CDK5R2: variants seen among roughly 807,000 people sequenced by gnomAD.
CDK5R2 encodes cyclin-dependent kinase 5 activator 2.
In CDK5R2, 7 loss-of-function variants were observed where a neutral mutation model predicts 23.1. The ratio of observed to expected loss-of-function variants is 0.30; its 90% CI spans 0.17 to 0.57. The LOEUF (loss-of-function observed/expected upper bound fraction) is 0.57. Among genes scored for constraint, CDK5R2 ranks in the 20% least tolerant of loss-of-function variants. The probability of loss-of-function intolerance (pLI) is 0.91; values close to 1 mark genes in which losing one functional copy is unlikely to be tolerated. For missense variants in CDK5R2, 380 were observed against 537.6 expected, an observed-to-expected ratio of 0.71 and a Z score of 2.90; for synonymous variants, 242 against 264.9, an observed-to-expected ratio of 0.91 and a Z score of 0.84.
In CDK5R2 at chr2:218,959,751, C is replaced by T. The variant is rs1322090416; in HGVS notation, c.-70C>T. The T allele has an allele frequency of 6.5e-6, 8 of 1,227,314 alleles. No individual in the cohort carries two copies. Among genetic ancestry groups the T allele is most frequent in the Non-Finnish European group, 8.1e-6 (8 of 985,874 alleles). 76.0% of individuals were successfully genotyped at this position (1,227,314 alleles called of 1,614,324 possible). A position where few individuals can be genotyped will look rare whatever the true frequency, so the allele number is the denominator to read the frequency against. ...CTAGGCCCCCCACCGCCGGGTCCCCCGGGGCTGCAGTAGCAGCGGCGCCGC... is the reference window on the plus strand; with the variant it reads ...CTAGGCCCCCCACCGCCGGGTCCCCTGGGGCTGCAGTAGCAGCGGCGCCGC... On this transcript the variant is annotated 5_prime_UTR_variant, in exon 1 of 1. Coordinates refer to ENST00000302625, the MANE Select transcript of CDK5R2 (RefSeq NM_003936.5). The surrounding 1 kb of genome is among the most constrained non-coding windows in gnomAD (Gnocchi z 4.0).
At position 218,960,318 on chromosome 2, in the gene CDK5R2, G is replaced by T. The variant is rs1205332739; in HGVS notation, c.498G>T (p.Ala166=). ...PPPPPPAPQV[A]PPVPGGSPRR... ...CGCCTCCCCCAGCCCCGCAGGTGGCGCCGCCGGTGCCTGGCGGCTCGCCGC... is the reference window on the plus strand; with the variant it reads ...CGCCTCCCCCAGCCCCGCAGGTGGCTCCGCCGGTGCCTGGCGGCTCGCCGC... Residue 166 remains alanine (A), a synonymous_variant, in exon 1 of 1, where the codon GCG becomes GCT. Transcript: ENST00000302625. The T allele has an allele frequency of 6.8e-7, 1 of 1,473,844 alleles. No homozygotes were observed. The highest frequency in any genetic ancestry group is 1.3e-5 in the South Asian group (1 of 77,034). 91.3% of individuals were successfully genotyped at this position (1,473,844 alleles called of 1,614,324 possible).
rs1330680058 is a variant in CDK5R2 at position 218,960,099 on chromosome 2, C to T, written c.279C>T (p.Asp93=). 1.2e-6 allele frequency: 2 copies of T among 1,600,342 alleles called. No individual in the cohort carries two copies. The highest frequency in any genetic ancestry group is 1.7e-6 in the Non-Finnish European group (2 of 1,174,740). Reference sequence around the variant, plus strand: ...CCAAGCCGGCATCCACGGGCCCCGACCCCCTGGTCCAGCAACGCAACCGCG... The same window carrying T: ...CCAAGCCGGCATCCACGGGCCCCGATCCCCTGGTCCAGCAACGCAACCGCG... ...VTPKPASTGP[D]PLVQQRNREN... Residue 93 remains aspartate, a synonymous_variant, in exon 1 of 1, where the codon GAC becomes GAT. Transcript: ENST00000302625.
Position 218,960,338 on chromosome 2 carries a change from C to T in CDK5R2, c.518C>T (p.Ser173Leu), listed in dbSNP as rs1276861082. The change falls in exon 1 of 1, where the codon TCG becomes TTG. Residue 173 changes from serine to leucine, a missense_variant. By Grantham distance (145) the Ser-to-Leu change is moderately radical (BLOSUM62 -2). Transcript: ENST00000302625. ...GTGGCGCCGCCGGTGCCTGGCGGCTCGCCGCGGCGGGTCATCGTGCAGGCG... is the reference window on the plus strand; with the variant it reads ...GTGGCGCCGCCGGTGCCTGGCGGCTTGCCGCGGCGGGTCATCGTGCAGGCG... ...PQVAPPVPGG[S>L]PRRVIVQAST... 29 of 1,504,998 alleles carry T rather than the reference C, an allele frequency of 1.9e-5. No homozygotes were observed. Among genetic ancestry groups the T allele is most frequent in the Non-Finnish European group, 2.5e-5 (28 of 1,133,590 alleles). The allele number at this position is 1,504,998 out of a possible 1,614,324, so 93.2% of individuals were successfully genotyped here. A position where few individuals can be genotyped will look rare whatever the true frequency, so the allele number is the denominator to read the frequency against.
rs1167618881 is a variant in CDK5R2, at chr2:218,960,936, G to A, written c.*12G>A. 4 of 1,330,938 alleles carry A rather than the reference G, an allele frequency of 3.0e-6. No homozygotes were observed. The highest frequency in any genetic ancestry group is 4.0e-6 in the Non-Finnish European group (4 of 1,012,190). 82.4% of individuals were successfully genotyped at this position (1,330,938 alleles called of 1,614,324 possible). A position where few individuals can be genotyped will look rare whatever the true frequency, so the allele number is the denominator to read the frequency against. On this transcript the variant is annotated 3_prime_UTR_variant, in exon 1 of 1. Transcript: ENST00000302625. ...ACCTGGACCGCTAGGGATACCCAGG[G>A]GCCGCGCCCATCCCCCGCCCCAGCC...
At position 218,960,023 on chromosome 2, in the gene CDK5R2, G is replaced by C. The variant is rs1186617122; in HGVS notation, c.203G>C (p.Arg68Pro). The change falls in exon 1 of 1, where the codon CGC (arginine) becomes CCC (proline). Residue 68 changes from arginine (R) to proline (P), a missense_variant. Physicochemically the swap from Arg to Pro is moderately radical, Grantham distance 103. Coordinates refer to ENST00000302625, the MANE Select transcript of CDK5R2 (RefSeq NM_003936.5). Reference sequence around the variant, plus strand: ...CTCATCTCGGCGCTCACCTGGAAGCGCCTGGTGGCCGCGTCCGCCAAGAAG... The same window carrying C: ...CTCATCTCGGCGCTCACCTGGAAGCCCCTGGTGGCCGCGTCCGCCAAGAAG... ...SVLISALTWK[R>P]LVAASAKKKK... 2.5e-6 allele frequency: 4 copies of C among 1,591,588 alleles called. No homozygotes were observed. The highest frequency in any genetic ancestry group is 1.4e-5 in the African/African-American group (1 of 73,294).
chr2:218,960,387 T>C lies in CDK5R2; in HGVS notation c.567T>C (p.Cys189=), dbSNP rs1428416137. The C allele has an allele frequency of 4.4e-6, 7 of 1,590,038 alleles. No individual in the cohort carries two copies. In the Admixed American group the frequency reaches 5.3e-5, roughly 12 times the overall value. The part of the protein sequence containing the change: ...VQASTGELLR[C]LGDFVCRRCY... ...CGTCCACCGGCGAGCTGCTGCGCTG[T>C]CTGGGCGACTTCGTGTGCCGACGCT... The change falls in exon 1 of 1, where the codon TGT becomes TGC. Residue 189 remains cysteine, a synonymous_variant. Coordinates refer to ENST00000302625, the MANE Select transcript of CDK5R2 (RefSeq NM_003936.5).
rs1002144360 is a variant in CDK5R2 at position 218,959,695 on chromosome 2, TC to T, written c.-121del. 1 of 1,129,130 alleles carries T rather than the reference TC, an allele frequency of 8.9e-7. No individual in the cohort carries two copies. The highest frequency in any genetic ancestry group is 1.1e-6 in the Non-Finnish European group (1 of 904,774). 69.9% of individuals were successfully genotyped at this position (1,129,130 alleles called of 1,614,324 possible). A position where few individuals can be genotyped will look rare whatever the true frequency, so the allele number is the denominator to read the frequency against. On this transcript the variant is annotated 5_prime_UTR_variant, in exon 1 of 1. Transcript: ENST00000302625. The surrounding 1 kb of genome is among the most constrained non-coding windows in gnomAD (Gnocchi z 4.0). ...CAGCGGAGCCGCCTAGCAGCCACCT[TC>T]CCCCGCCAGTCCGCGCGCCCGGGCC... is the stretch of plus-strand genomic sequence containing the variant.
chr2:218,960,935 G>C lies in CDK5R2; in HGVS notation c.*11G>C. 1 of 1,338,624 alleles carries C rather than the reference G, an allele frequency of 7.5e-7. No homozygotes were observed. 82.9% of individuals were successfully genotyped at this position (1,338,624 alleles called of 1,614,324 possible). ...AACCTGGACCGCTAGGGATACCCAG[G>C]GGCCGCGCCCATCCCCCGCCCCAGC... On this transcript the variant is annotated 3_prime_UTR_variant, in exon 1 of 1. Transcript: ENST00000302625.
Position 218,960,499 on chromosome 2 carries a change from G to A in CDK5R2, c.679G>A (p.Asp227Asn). ...CTCGCTGCTGCTGCAGGGCTGGCAA[G>A]ACCAGGCCTTCATTACGCCTGCAAA... ...DRSLLLQGWQ[D>N]QAFITPANLV... Residue 227 changes from aspartate (D) to asparagine (N), a missense_variant, in exon 1 of 1, where the codon GAC (aspartate) becomes AAC (asparagine). Asp to Asn is a conservative substitution (Grantham distance 23). Around this residue, in one of 3 missense-constraint regions of CDK5R2, gnomAD observed 124 missense variants for 235.5 expected, o/e 0.53. Coordinates refer to ENST00000302625, the MANE Select transcript of CDK5R2 (RefSeq NM_003936.5). 1 of 1,613,894 alleles carries A rather than the reference G, an allele frequency of 6.2e-7. No individual in the cohort carries two copies. Among genetic ancestry groups the A allele is most frequent in the Non-Finnish European group, 8.5e-7 (1 of 1,179,914 alleles).
rs987494648 is a variant in CDK5R2 at position 218,959,707 on chromosome 2, C to T, written c.-114C>T. The T allele has an allele frequency of 2.5e-6, 3 of 1,184,836 alleles. No individual in the cohort carries two copies. The African/African-American group carries it at 4.8e-5, about 19-fold the overall frequency. 73.4% of individuals were successfully genotyped at this position (1,184,836 alleles called of 1,614,324 possible). Reference sequence around the variant, plus strand: ...CTAGCAGCCACCTTCCCCCGCCAGTCCGCGCGCCCGGGCCGGGGCTAGGCC... The same window carrying T: ...CTAGCAGCCACCTTCCCCCGCCAGTTCGCGCGCCCGGGCCGGGGCTAGGCC... On this transcript the variant is annotated 5_prime_UTR_variant, in exon 1 of 1. Coordinates refer to ENST00000302625, the MANE Select transcript of CDK5R2 (RefSeq NM_003936.5). The surrounding 1 kb of genome is among the most constrained non-coding windows in gnomAD (Gnocchi z 4.0).
In CDK5R2 at chr2:218,960,728, G is replaced by A; in HGVS notation, c.908G>A (p.Arg303Gln). 6.2e-7 allele frequency: 1 copy of A among 1,613,864 alleles called. No individual in the cohort carries two copies. The highest frequency in any genetic ancestry group is 8.5e-7 in the Non-Finnish European group (1 of 1,179,900). ...CAGCGCTGCCTGCGCCTCATCCAGCGGCTCAGCCCGCAGATGCTGCGGCTC... is the reference window on the plus strand; with the variant it reads ...CAGCGCTGCCTGCGCCTCATCCAGCAGCTCAGCCCGCAGATGCTGCGGCTC... ...FWQRCLRLIQRLSPQMLRLNA... is the reference protein window; with the variant it reads ...FWQRCLRLIQQLSPQMLRLNA... The change falls in exon 1 of 1, where the codon CGG becomes CAG. Residue 303 changes from arginine (R) to glutamine (Q), a missense_variant. This residue lies in a region of CDK5R2 where 124 missense variants were observed against 235.5 expected (regional missense o/e 0.53). Coordinates refer to ENST00000302625, the MANE Select transcript of CDK5R2 (RefSeq NM_003936.5).
In CDK5R2 at chr2:218,961,181, G is replaced by A. The variant is rs552163782; in HGVS notation, c.*257G>A. 1.7e-3 allele frequency: 679 copies of A among 402,726 alleles called. 2 individuals carry two copies. The highest frequency in any genetic ancestry group is 2.5e-3 in the Non-Finnish European group (547 of 222,144). The allele number at this position is 402,726 out of a possible 1,614,324, so 24.9% of individuals were successfully genotyped here. A position where few individuals can be genotyped will look rare whatever the true frequency, so the allele number is the denominator to read the frequency against. ...AACCTCACTCTTCCCGTCTGTCTGC[G>A]CCCCCATTTCTCCATTTCTGCCGGG... On this transcript the variant is annotated 3_prime_UTR_variant, in exon 1 of 1. Coordinates refer to ENST00000302625, the MANE Select transcript of CDK5R2 (RefSeq NM_003936.5). This position sits in a 1 kb window ranked among gnomAD's most constrained non-coding sequence, Gnocchi z 4.4.
Position 218,961,255 on chromosome 2 carries a change from T to G in CDK5R2, c.*331T>G. 3 of 277,762 alleles carry G rather than the reference T, an allele frequency of 1.1e-5. No individual in the cohort carries two copies. The highest frequency in any genetic ancestry group is 6.9e-5 in the East Asian group (1 of 14,424). The allele number at this position is 277,762 out of a possible 1,614,324, so 17.2% of individuals were successfully genotyped here. A position where few individuals can be genotyped will look rare whatever the true frequency, so the allele number is the denominator to read the frequency against. ...TTCCCCCTCGGTTTTATCCATTTCC[T>G]TGCCTCCTTTTTGTGTCTTCATTTT... On this transcript the variant is annotated 3_prime_UTR_variant, in exon 1 of 1. Coordinates refer to ENST00000302625, the MANE Select transcript of CDK5R2 (RefSeq NM_003936.5). The surrounding 1 kb of genome is among the most constrained non-coding windows in gnomAD (Gnocchi z 4.4).
chr2:218,960,200 C>T lies in CDK5R2; in HGVS notation c.380C>T (p.Thr127Ile). 1 of 1,443,016 alleles carries T rather than the reference C, an allele frequency of 6.9e-7. No homozygotes were observed. The highest frequency in any genetic ancestry group is 9.1e-7 in the Non-Finnish European group (1 of 1,102,582). The allele number at this position is 1,443,016 out of a possible 1,614,324, so 89.4% of individuals were successfully genotyped here. A position where few individuals can be genotyped will look rare whatever the true frequency, so the allele number is the denominator to read the frequency against. The change falls in exon 1 of 1, where the codon ACC becomes ATC. Residue 127 changes from threonine to isoleucine, a missense_variant. Transcript: ENST00000302625. Reference protein sequence around the residue: ...TAKPLAVPVPTVPAAAATCEP... With the variant: ...TAKPLAVPVPIVPAAAATCEP... ...AAGCCCCTGGCGGTGCCAGTGCCCACCGTGCCCGCGGCTGCCGCCACCTGC... is the reference window on the plus strand; with the variant it reads ...AAGCCCCTGGCGGTGCCAGTGCCCATCGTGCCCGCGGCTGCCGCCACCTGC...
At position 218,960,840 on chromosome 2, in the gene CDK5R2, C is replaced by A. The variant is rs759980879; in HGVS notation, c.1020C>A (p.Ser340Arg). The A allele has an allele frequency of 8.6e-5, 130 of 1,514,842 alleles. 7 individuals carry two copies. The highest frequency in any genetic ancestry group is 8.2e-5 in the Admixed American group (3 of 36,650). The allele number at this position is 1,514,842 out of a possible 1,614,324, so 93.8% of individuals were successfully genotyped here. A position where few individuals can be genotyped will look rare whatever the true frequency, so the allele number is the denominator to read the frequency against. ...CCGCCAGCGGCGGGGGCCCACCGAG[C>A]GGGGGCGCGCCCGCCGCCTCCTCGG... ...EAAASGGGPP[S>R]GGAPAASSAA... The change falls in exon 1 of 1, where the codon AGC (serine) becomes AGA (arginine). Residue 340 changes from serine to arginine, a missense_variant. This residue lies in a region of CDK5R2 where 59 missense variants were observed against 55.7 expected (regional missense o/e 1.06). Coordinates refer to ENST00000302625, the MANE Select transcript of CDK5R2 (RefSeq NM_003936.5).
rs770657783 is a variant in CDK5R2 at position 218,960,962 on chromosome 2, C to T, written c.*38C>T. On this transcript the variant is annotated 3_prime_UTR_variant, in exon 1 of 1. Coordinates refer to ENST00000302625, the MANE Select transcript of CDK5R2 (RefSeq NM_003936.5). ...GCCGCGCCCATCCCCCGCCCCAGCCCCTGACACACACTCGGACCCCCCGGG... is the reference window on the plus strand; with the variant it reads ...GCCGCGCCCATCCCCCGCCCCAGCCTCTGACACACACTCGGACCCCCCGGG... 6 of 1,104,824 alleles carry T rather than the reference C, an allele frequency of 5.4e-6. No individual in the cohort carries two copies. Among genetic ancestry groups the T allele is most frequent in the Admixed American group, 3.1e-5 (1 of 31,842 alleles). 68.4% of individuals were successfully genotyped at this position (1,104,824 alleles called of 1,614,324 possible). A position where few individuals can be genotyped will look rare whatever the true frequency, so the allele number is the denominator to read the frequency against.
Position 218,960,455 on chromosome 2 carries a change from G to T in CDK5R2, c.635G>T (p.Trp212Leu). The T allele has an allele frequency of 6.2e-7, 1 of 1,612,694 alleles. No homozygotes were observed. Among genetic ancestry groups the T allele is most frequent in the Non-Finnish European group, 8.5e-7 (1 of 1,179,870 alleles). ...CTGAGCCCGGGCGAGCTGGTGGGCT[G>T]GTTCCGCGGTGTGGACCGCTCGCTG... is the stretch of plus-strand genomic sequence containing the variant. ...KELSPGELVG[W>L]FRGVDRSLLL... is the part of the protein sequence containing the mutation. The change falls in exon 1 of 1, where the codon TGG becomes TTG. Residue 212 changes from tryptophan (W) to leucine (L), a missense_variant. Physicochemically the swap from Trp to Leu is moderately conservative, Grantham distance 61. This residue lies in a region of CDK5R2 where 124 missense variants were observed against 235.5 expected (regional missense o/e 0.53). Transcript: ENST00000302625.
At position 218,960,489 on chromosome 2, in the gene CDK5R2, G is replaced by A. The variant is rs36115038; in HGVS notation, c.669G>A (p.Gln223=). The A allele has an allele frequency of 0.028, 44,613 of 1,613,728 alleles. 775 individuals carry two copies. Among genetic ancestry groups the A allele is most frequent in the Non-Finnish European group, 0.033 (39,323 of 1,179,904 alleles). ...FRGVDRSLLL[Q]GWQDQAFITP... The stretch of plus-strand genomic sequence containing the variant: ...GTGTGGACCGCTCGCTGCTGCTGCA[G>A]GGCTGGCAAGACCAGGCCTTCATTA... The change falls in exon 1 of 1, where the codon CAG becomes CAA. Residue 223 remains glutamine, a synonymous_variant. Transcript: ENST00000302625.
chr2:218,960,919 C>T lies in CDK5R2; in HGVS notation c.1099C>T (p.Arg367Cys), dbSNP rs1159731828. The change falls in exon 1 of 1, where the codon CGC (arginine) becomes TGC (cysteine). Residue 367 changes from arginine (R) to cysteine (C), a missense_variant. Arg to Cys is a radical substitution (Grantham distance 180). Coordinates refer to ENST00000302625, the MANE Select transcript of CDK5R2 (RefSeq NM_003936.5). Reference protein sequence around the residue: ...GTKHWTMNLDR With the variant: ...GTKHWTMNLDC Reference sequence around the variant, plus strand: ...CAAGCACTGGACTATGAACCTGGACCGCTAGGGATACCCAGGGGCCGCGCC... The same window carrying T: ...CAAGCACTGGACTATGAACCTGGACTGCTAGGGATACCCAGGGGCCGCGCC... The T allele has an allele frequency of 7.1e-7, 1 of 1,415,044 alleles. No individual in the cohort carries two copies. The highest frequency in any genetic ancestry group is 9.2e-7 in the Non-Finnish European group (1 of 1,082,624). 87.7% of individuals were successfully genotyped at this position (1,415,044 alleles called of 1,614,324 possible).
Sources: gnomAD v4.1 joint callset for allele counts on GRCh38, gnomAD v4.1.1 for gene constraint, gnomAD v4.1.1 regional missense constraint, Gnocchi (gnomAD v3.1) non-coding constraint, MANE v1.5 for transcripts, NCBI Gene and HGNC (gene_info 2026-07-23, HGNC 2026-07-21) for gene names.